The following KDM6A variants were observed in gnomAD, a reference collection of about 807,000 sequenced individuals.
KDM6A encodes the protein lysine demethylase 6A.
In KDM6A, 11 loss-of-function variants were observed where a neutral mutation model predicts 117.6. That is an observed-to-expected ratio of 0.09 (90% CI 0.06 to 0.15). The LOEUF (loss-of-function observed/expected upper bound fraction) is 0.15, where lower values mean the gene tolerates loss of function less well. Among genes scored for constraint, KDM6A ranks in the 10% least tolerant of loss-of-function variants. The pLI is 1.00. For synonymous variants in KDM6A, 384 were observed against 396.1 expected, an observed-to-expected ratio of 0.97 and a Z score of 0.36; for missense variants, 799 against 1,077.3, an observed-to-expected ratio of 0.74 and a Z score of 3.62.
At position 45,058,083 on chromosome X, in the gene KDM6A, C is replaced by G. The variant is rs866840160; in HGVS notation, c.876-923C>G. Among the ~76,000 whole-genome samples the G allele has an allele frequency of 7.2e-3, 568 of 78,948 alleles. 11 individuals are homozygous for G. The highest frequency in any genetic ancestry group is 0.025 in the African/African-American group (533 of 21,516). 68.6% of individuals were successfully genotyped at this position (78,948 alleles called of 115,157 possible). On this transcript the variant is annotated intron_variant, in intron 10 of 29. Transcript: ENST00000611820. ...ATCCCTTACTCTTACTCTCCCCCCCCCCCCTTTTTTTTTTTGCCTTTCCTA... is the reference window on the plus strand; with the variant it reads ...ATCCCTTACTCTTACTCTCCCCCCCGCCCCTTTTTTTTTTTGCCTTTCCTA...
At chrX:44,938,861 C>T (rs1242294966) in intron 2 of KDM6A, among the ~76,000 whole-genome samples, 1 of 112,440 alleles carries the variant, frequency 8.9e-6, no homozygotes, top group East Asian at 2.8e-4. Context: ...TGAATCTGCT[C>T]TACCTATACT....
chrX:44,915,490 C>T (rs1226302764), intron 2 of KDM6A, among the ~76,000 whole-genome samples: 3 of 111,936 alleles, frequency 2.7e-5, no homozygotes, highest in African/African-American at 6.5e-5. Flanking sequence ...CGTAGAAGAG[C>T]GGTATAGCTA....
At chrX:45,013,134 G>A (rs1236735710) in intron 5 of KDM6A, among the ~76,000 whole-genome samples, 1 of 111,355 alleles carries the variant, frequency 9.0e-6, no homozygotes, top group Admixed American at 9.6e-5. Context: ...AGAAAGCAAG[G>A]GGGTGTGTGT....
At chrX:44,943,477 A>G (rs938025569) in intron 2 of KDM6A, among the ~76,000 whole-genome samples, 8 of 109,562 alleles carry the variant, frequency 7.3e-5, no homozygotes, top group African/African-American at 2.0e-4. Flanking sequence ...GTGAAGTGCA[A>G]TAAAATGAGG....
chrX:44,926,996 G>A (rs764966058), intron 2 of KDM6A, among the ~76,000 whole-genome samples: 1 of 111,400 alleles, frequency 9.0e-6, no homozygotes, highest in Non-Finnish European at 1.9e-5. Flanking sequence ...GTAATTAAAT[G>A]AATTAATACA....
At chrX:45,108,581 A>T (rs1344101880) in intron 28 of KDM6A, among the ~76,000 whole-genome samples, 1 of 107,996 alleles carries the variant, frequency 9.3e-6, no homozygotes, top group Non-Finnish European at 1.9e-5. Context: ...GGGATCTAGA[A>T]CTAGAAATAC....
At chrX:44,943,478 T>A (rs1292856957) in intron 2 of KDM6A, among the ~76,000 whole-genome samples, 1 of 109,354 alleles carries the variant, frequency 9.1e-6, no homozygotes, top group Non-Finnish European at 1.9e-5. Flanking sequence ...TGAAGTGCAA[T>A]AAAATGAGGG....
intron 22 of KDM6A, 25 bp downstream of exon 22, chrX:45,082,665 A>G: frequency 8.5e-7 from 1 of 1,170,844 alleles, no homozygotes; most frequent in Non-Finnish European, 1.2e-6. Flanking sequence ...ATGTCCACTT[A>G]GTATTTCTTT....
intron 2 of KDM6A, among the ~76,000 whole-genome samples, chrX:44,896,075 ATTTT>A (rs34097389): frequency 1.0e-5 from 1 of 99,429 alleles, no homozygotes. Flanking sequence ...TTAAAAATAA[ATTTT>A]TTTTTTTTTT....
intron 2 of KDM6A, among the ~76,000 whole-genome samples, chrX:44,898,807 A>G (rs1323589786): frequency 9.1e-6 from 1 of 109,940 alleles, no homozygotes; most frequent in Non-Finnish European, 1.9e-5. Flanking sequence ...TCTTGCCAAC[A>G]CAACCCTGGT....
chrX:45,069,585 C>T lies in KDM6A; in HGVS notation c.2086C>T (p.His696Tyr), dbSNP rs2148034073. Reference sequence around the variant, plus strand: ...TATTTTTCTTTCTTTTTAGGGGCTTCACAAAGGTCAGAGTTCACATTCGGC... The same window carrying T: ...TATTTTTCTTTCTTTTTAGGGGCTTTACAAAGGTCAGAGTTCACATTCGGC... Reference protein sequence around the residue: ...NQLSNSTQGLHKGQSSHSAGP... With the variant: ...NQLSNSTQGLYKGQSSHSAGP... The change falls in exon 18 of 30, where the codon CAC becomes TAC. Residue 696 changes from histidine (H) to tyrosine (Y), a missense_variant. His to Tyr is a moderately conservative substitution (Grantham distance 83). This residue lies in a region of KDM6A where 301 missense variants were observed against 318.3 expected (regional missense o/e 0.95). Coordinates refer to ENST00000611820, the MANE Select transcript of KDM6A (RefSeq NM_001291415.2). 1 of 1,209,919 alleles carries T rather than the reference C, an allele frequency of 8.3e-7. No homozygotes were observed. The highest frequency in any genetic ancestry group is 3.0e-5 in the East Asian group (1 of 33,818).
At chrX:45,083,368 T>C (rs2045506789) in intron 23 of KDM6A, 92 bp from the exon 24 acceptor site, 1 of 863,169 alleles carries the variant, frequency 1.2e-6, no homozygotes, top group African/African-American at 2.0e-5. Context: ...TAATTGTTTT[T>C]TCTGATTGGA....
intron 6 of KDM6A, among the ~76,000 whole-genome samples, chrX:45,027,855 G>A (rs1271521889): frequency 9.2e-6 from 1 of 108,443 alleles, no homozygotes; most frequent in East Asian, 2.9e-4. Flanking sequence ...GTGCAATGGC[G>A]CGATCTCGGC....
chrX:44,913,360 G>A (rs758076657), intron 2 of KDM6A, among the ~76,000 whole-genome samples: 1 of 98,831 alleles, frequency 1.0e-5, no homozygotes, highest in South Asian at 4.9e-4. Flanking sequence ...GTGCAGTGGT[G>A]TGATCTTGGC....
intron 4 of KDM6A, among the ~76,000 whole-genome samples, chrX:45,003,679 T>G (rs1199697861): frequency 9.1e-6 from 1 of 110,291 alleles, no homozygotes; most frequent in African/African-American, 3.3e-5. Context: ...GGGTACACTG[T>G]TTTTTCCTTT....
chrX:44,922,910 G>T (rs911545874), intron 2 of KDM6A, among the ~76,000 whole-genome samples: 5 of 100,714 alleles, frequency 5.0e-5, no homozygotes, highest in African/African-American at 2.3e-4. Context: ...ACGACTTTAA[G>T]TTCTTAAGTG....
intron 2 of KDM6A, among the ~76,000 whole-genome samples, chrX:44,929,076 G>A (rs1475473871): frequency 9.1e-6 from 1 of 110,048 alleles, no homozygotes; most frequent in African/African-American, 3.3e-5. Context: ...GACTACAGGT[G>A]CGCGCCACCA....
chrX:45,027,752 G>T (rs2042437103), intron 6 of KDM6A, among the ~76,000 whole-genome samples: 1 of 110,642 alleles, frequency 9.0e-6, no homozygotes, highest in African/African-American at 3.3e-5. Context: ...ATAGGAATTG[G>T]TTGGGATGTA....
At chrX:44,900,669 C>T (rs747949848) in intron 2 of KDM6A, among the ~76,000 whole-genome samples, 8 of 111,481 alleles carry the variant, frequency 7.2e-5, no homozygotes, top group African/African-American at 1.3e-4. Context: ...GAATCCGAGG[C>T]GGGCGGATCA....
Sources: gnomAD v4.1 joint callset for allele counts (sites outside exome capture counted in the v4.1 genomes callset) on GRCh38, gnomAD v4.1.1 for gene constraint, gnomAD v4.1.1 regional missense constraint, MANE v1.5 for transcripts, NCBI Gene and HGNC (gene_info 2026-07-23, HGNC 2026-07-21) for gene names.